The following CIMIP5 variants were observed in gnomAD, a reference collection of about 807,000 sequenced individuals.
The protein encoded by CIMIP5 is uncharacterized protein C2orf50.
the CIMIP5 span, among the ~76,000 whole-genome samples, chr2:11,138,706 A>C: frequency 6.6e-6 from 1 of 152,000 alleles, no homozygotes; most frequent in Non-Finnish European, 1.5e-5. Context: ...AGTTCTCACC[A>C]GATCTGGTTC....
chr2:11,143,491 G>C, the CIMIP5 span, among the ~76,000 whole-genome samples: 1 of 150,998 alleles, frequency 6.6e-6, no homozygotes, highest in Non-Finnish European at 1.5e-5. Context: ...TCTTCACTTT[G>C]TGAACATTTG....
chr2:11,144,112 G>T, the CIMIP5 span: 1 of 1,574,178 alleles, frequency 6.4e-7, no homozygotes, highest in Non-Finnish European at 8.6e-7. Flanking sequence ...GCCCATCTAG[G>T]AGCAAGGAGG....
chr2:11,139,115 A>G, the CIMIP5 span, among the ~76,000 whole-genome samples: 1 of 151,980 alleles, frequency 6.6e-6, no homozygotes, highest in African/African-American at 2.4e-5. Flanking sequence ...ACAGGGTTTC[A>G]CCATGTTGGC....
the CIMIP5 span, among the ~76,000 whole-genome samples, chr2:11,149,915 T>C: frequency 6.6e-6 from 1 of 152,148 alleles, no homozygotes; most frequent in African/African-American, 2.4e-5. Flanking sequence ...GGTGAGTCCA[T>C]TGAGGCTCTG....
the CIMIP5 span, among the ~76,000 whole-genome samples, chr2:11,142,348 A>G: frequency 6.6e-6 from 1 of 151,686 alleles, no homozygotes; most frequent in Non-Finnish European, 1.5e-5. Context: ...GGGGGTGGCC[A>G]TGCTTACCTG....
At chr2:11,138,133 C>T in the CIMIP5 span, among the ~76,000 whole-genome samples, 5 of 152,146 alleles carry the variant, frequency 3.3e-5, no homozygotes, top group East Asian at 1.9e-4. Flanking sequence ...CGTGAGCCAC[C>T]GCGCCTGGCA....
chr2:11,140,086 C>CAAAAAA, the CIMIP5 span, among the ~76,000 whole-genome samples: 187 of 84,756 alleles, frequency 2.2e-3, 5 homozygotes, highest in African/African-American at 9.4e-3. Flanking sequence ...GACTCCCTCT[C>CAAAAAA]AAAAAAAAAA....
the CIMIP5 span, chr2:11,133,356 G>A: frequency 1.9e-6 from 3 of 1,605,724 alleles, no homozygotes; most frequent in South Asian, 3.3e-5. Context: ...CCCCACCCCT[G>A]GGCTCCAGAG....
the CIMIP5 span, among the ~76,000 whole-genome samples, chr2:11,154,134 G>C: frequency 1.8e-4 from 27 of 151,902 alleles, no homozygotes; most frequent in Non-Finnish European, 3.2e-4. Flanking sequence ...GCGCCACCAC[G>C]CTCGGCTAAT....
the CIMIP5 span, among the ~76,000 whole-genome samples, chr2:11,149,712 A>AAAATT: frequency 1.3e-5 from 2 of 150,678 alleles, no homozygotes; most frequent in African/African-American, 2.5e-5. Flanking sequence ...ATCTCAAAAA[A>AAAATT]AATTAATTAA....
At chr2:11,133,431 CG>C in the CIMIP5 span, 1 of 1,610,638 alleles carries the variant, frequency 6.2e-7, no homozygotes, top group South Asian at 1.1e-5. Context: ...CCCAGCTGCC[CG>C]GGGTGGCCCT....
chr2:11,136,023 G>A, the CIMIP5 span, among the ~76,000 whole-genome samples: 3 of 152,090 alleles, frequency 2.0e-5, no homozygotes, highest in Non-Finnish European at 2.9e-5. Context: ...ATATATTTTG[G>A]AAATTAACTC....
the CIMIP5 span, among the ~76,000 whole-genome samples, chr2:11,136,789 G>C: frequency 6.6e-6 from 1 of 152,188 alleles, no homozygotes; most frequent in Non-Finnish European, 1.5e-5. Context: ...AGAAGGAAAC[G>C]GGTGGGCATT....
chr2:11,135,103 C>T, the CIMIP5 span, among the ~76,000 whole-genome samples: 5 of 152,262 alleles, frequency 3.3e-5, no homozygotes, highest in East Asian at 1.9e-4. Flanking sequence ...CATCCATTAC[C>T]GCAAGGATGG....
At chr2:11,135,116 C>T in the CIMIP5 span, among the ~76,000 whole-genome samples, 2 of 152,208 alleles carry the variant, frequency 1.3e-5, no homozygotes, top group South Asian at 2.1e-4. Context: ...AAGGATGGCA[C>T]GAAGCCATTC....
the CIMIP5 span, chr2:11,140,478 A>C: frequency 1.3e-6 from 2 of 1,521,674 alleles, no homozygotes; most frequent in Non-Finnish European, 1.8e-6. Flanking sequence ...CCTGGAAGGA[A>C]CTCACACAGC....
At chr2:11,143,402 G>A in the CIMIP5 span, among the ~76,000 whole-genome samples, 2 of 151,706 alleles carry the variant, frequency 1.3e-5, no homozygotes, top group African/African-American at 4.9e-5. Flanking sequence ...GGTGCCTTGG[G>A]AGCAGAGACA....
At chr2:11,136,792 T>A in the CIMIP5 span, among the ~76,000 whole-genome samples, 1 of 152,202 alleles carries the variant, frequency 6.6e-6, no homozygotes, top group Non-Finnish European at 1.5e-5. Flanking sequence ...AGGAAACGGG[T>A]GGGCATTGGC....
chr2:11,137,548 C>T, the CIMIP5 span, among the ~76,000 whole-genome samples: 534 of 152,232 alleles, frequency 3.5e-3, 3 homozygotes, highest in African/African-American at 0.012. Context: ...CAAGAAGGTC[C>T]AACCTATCTT....
Sources: gnomAD v4.1 joint callset for allele counts (sites outside exome capture counted in the v4.1 genomes callset) on GRCh38, gnomAD v4.1.1 for gene constraint, MANE v1.5 for transcripts, NCBI Gene and HGNC (gene_info 2026-07-23, HGNC 2026-07-21) for gene names.